GABRG3: variants seen among roughly 807,000 people sequenced by gnomAD.
The protein encoded by GABRG3 is gamma-aminobutyric acid receptor subunit gamma-3.
A neutral mutation model predicts 48.8 loss-of-function variants in GABRG3; 25 were observed. That is an observed-to-expected ratio of 0.51 (90% CI 0.37 to 0.72). The LOEUF (loss-of-function observed/expected upper bound fraction) is 0.72. GABRG3 is among the 30% of genes least tolerant of loss of function. GABRG3 has a pLI of 0.00. For missense variants in GABRG3, 394 were observed against 577.9 expected, an observed-to-expected ratio of 0.68 and a Z score of 3.26; for synonymous variants, 227 against 217.6, an observed-to-expected ratio of 1.04 and a Z score of -0.38.
Position 27,103,015 on chromosome 15 carries a change from A to G in GABRG3, c.270+76194A>G, listed in dbSNP as rs567773247. On this transcript the variant is annotated intron_variant, in intron 3 of 9. Transcript: ENST00000615808. ...GGATTATTATCCTGTAAAAAGTTGA[A>G]AGCTTGGATTATGCCTTCAGCATTC... 1.1e-4 allele frequency among the ~76,000 whole-genome samples: 16 copies of G among 152,298 alleles called. No individual in the cohort carries two copies. The South Asian group carries it at 2.7e-3, about 26-fold the overall frequency.
At chr15:27,035,683 C>T (rs967081464) in intron 3 of GABRG3, among the ~76,000 whole-genome samples, 4 of 152,158 alleles carry the variant, frequency 2.6e-5, no homozygotes, top group Non-Finnish European at 4.4e-5. Context: ...CAGGGAGCCA[C>T]GTGGAGCTTG....
chr15:27,317,844 A>C (rs1442237639), intron 3 of GABRG3, among the ~76,000 whole-genome samples: 1 of 152,194 alleles, frequency 6.6e-6, no homozygotes, highest in East Asian at 1.9e-4. Context: ...GTGAGCAAGA[A>C]AGGCATGGAA....
chr15:27,326,663 G>A (rs377262524), intron 3 of GABRG3, 146 bp from the exon 4 acceptor site: 4 of 643,786 alleles, frequency 6.2e-6, no homozygotes, highest in African/African-American at 5.4e-5. Flanking sequence ...CTGAGTGCTT[G>A]CCATGTTGAA....
At chr15:27,014,561 G>C (rs1276750455) in intron 2 of GABRG3, among the ~76,000 whole-genome samples, 1 of 151,982 alleles carries the variant, frequency 6.6e-6, no homozygotes, top group Non-Finnish European at 1.5e-5. Context: ...GGTTGTTTAA[G>C]AGTAAATTAT....
rs118136193 is a variant in GABRG3 at position 27,082,844 on chromosome 15, C to T, written c.270+56023C>T. Among the ~76,000 whole-genome samples, 169 of 152,316 alleles carry T rather than the reference C, an allele frequency of 1.1e-3. 1 individual carries two copies. In the East Asian group the frequency reaches 0.031, roughly 28 times the overall value. On this transcript the variant is annotated intron_variant, in intron 3 of 9. Transcript: ENST00000615808. ...GCAGGAATGTTGATGCTTGCTAGAG[C>T]TCTGTTCCCTGAGGGACCTGCTCCC...
intron 5 of GABRG3, among the ~76,000 whole-genome samples, chr15:27,367,533 T>A (rs1029571465): frequency 1.3e-5 from 2 of 152,190 alleles, no homozygotes; most frequent in Admixed American, 1.3e-4. Context: ...TACAATTCTC[T>A]TTTAACACAG....
At chr15:27,371,109 A>T (rs891971892) in intron 5 of GABRG3, among the ~76,000 whole-genome samples, 3 of 152,138 alleles carry the variant, frequency 2.0e-5, no homozygotes, top group African/African-American at 7.2e-5. Context: ...CAGTACACCA[A>T]GTTCCATTGT....
chr15:27,018,599 A>G lies in GABRG3; in HGVS notation c.203-8155A>G, dbSNP rs141302320. ...GAAAGGAGTGAGGGCTTTGGAGTTGACATCTATAGTTCTGGGATTAATGGA... is the reference window on the plus strand; with the variant it reads ...GAAAGGAGTGAGGGCTTTGGAGTTGGCATCTATAGTTCTGGGATTAATGGA... On this transcript the variant is annotated intron_variant, in intron 2 of 9. Coordinates refer to ENST00000615808, the MANE Select transcript of GABRG3 (RefSeq NM_033223.5). Among the ~76,000 whole-genome samples, 1,043 of 152,254 alleles carry G rather than the reference A, an allele frequency of 6.9e-3. 6 individuals are homozygous for G. The highest frequency in any genetic ancestry group is 0.011 in the Non-Finnish European group (760 of 68,024).
chr15:27,252,690 C>T (rs930306152), intron 3 of GABRG3, among the ~76,000 whole-genome samples: 22 of 152,090 alleles, frequency 1.4e-4, no homozygotes, highest in Admixed American at 1.1e-3. Context: ...AGAGAGGGCA[C>T]CTCCCACCTG....
intron 2 of GABRG3, among the ~76,000 whole-genome samples, chr15:27,011,960 T>C (rs147806075): frequency 6.6e-4 from 100 of 152,348 alleles, no homozygotes; most frequent in African/African-American, 2.2e-3. Flanking sequence ...CACATTTTCA[T>C]TGAGTTCAGT....
chr15:27,520,879 C>T (rs1293172267), intron 7 of GABRG3, among the ~76,000 whole-genome samples: 1 of 88,782 alleles, frequency 1.1e-5, no homozygotes, highest in Non-Finnish European at 2.0e-5. Flanking sequence ...TGTTATTTCT[C>T]TGTGTTTTTT....
At chr15:27,035,459 T>C (rs1424823647) in intron 3 of GABRG3, among the ~76,000 whole-genome samples, 3 of 152,138 alleles carry the variant, frequency 2.0e-5, no homozygotes, top group Non-Finnish European at 4.4e-5. Flanking sequence ...GCACTTCGAT[T>C]GGATATTTCA....
Position 27,274,234 on chromosome 15 carries a change from C to G in GABRG3, c.271-52575C>G, listed in dbSNP as rs74748646. On this transcript the variant is annotated intron_variant, in intron 3 of 9. Coordinates refer to ENST00000615808, the MANE Select transcript of GABRG3 (RefSeq NM_033223.5). ...TCCGACTGCTTGTCCTGCTGCTGAG[C>G]TACCCAAAGACTGTGGTATTTGCTT... Among the ~76,000 whole-genome samples the G allele has an allele frequency of 4.5e-3, 679 of 152,308 alleles. 29 individuals carry two copies. In the East Asian group the frequency reaches 0.098, roughly 22 times the overall value.
intron 3 of GABRG3, among the ~76,000 whole-genome samples, chr15:27,267,963 C>A (rs115626280): frequency 6.6e-6 from 1 of 152,090 alleles, no homozygotes. Flanking sequence ...AAAAAAATTG[C>A]TTCTATCCCC....
intron 5 of GABRG3, among the ~76,000 whole-genome samples, chr15:27,423,721 C>CTTTTTTTTTT (rs542775399): frequency 7.3e-5 from 6 of 81,788 alleles, no homozygotes; most frequent in Admixed American, 1.4e-4. Context: ...TTTTCTTTTC[C>CTTTTTTTTTT]TTTTTTTTTT....
intron 3 of GABRG3, among the ~76,000 whole-genome samples, chr15:27,249,676 T>C (rs1013619804): frequency 6.6e-6 from 1 of 152,012 alleles, no homozygotes; most frequent in African/African-American, 2.4e-5. Flanking sequence ...GCAGAAGGGA[T>C]GAGTGAGTAA....
Position 27,225,163 on chromosome 15 carries a change from T to G in GABRG3, c.271-101646T>G, listed in dbSNP as rs58633847. Among the ~76,000 whole-genome samples, 3 of 152,314 alleles carry G rather than the reference T, an allele frequency of 2.0e-5. No homozygotes were observed. In the East Asian group the frequency reaches 5.8e-4, roughly 29 times the overall value. ...AGTATCTTAATTCTGTTGACTGACT[T>G]AAAATAATCACAATGTAGTACACAG... On this transcript the variant is annotated intron_variant, in intron 3 of 9. Transcript: ENST00000615808.
intron 3 of GABRG3, among the ~76,000 whole-genome samples, chr15:27,285,836 G>A (rs1321378865): frequency 6.6e-6 from 1 of 152,148 alleles, no homozygotes; most frequent in Non-Finnish European, 1.5e-5. Flanking sequence ...AGTGAACTGT[G>A]TCAGCAGACC....
At position 27,318,969 on chromosome 15, in the gene GABRG3, G is replaced by A. The variant is rs115155379; in HGVS notation, c.271-7840G>A. On this transcript the variant is annotated intron_variant, in intron 3 of 9. Transcript: ENST00000615808. Reference sequence around the variant, plus strand: ...CCGCAGGCCTAATGTACAGCAGGGAGCCTATAGATAATACTGTATTGTGTA... The same window carrying A: ...CCGCAGGCCTAATGTACAGCAGGGAACCTATAGATAATACTGTATTGTGTA... 4.4e-3 allele frequency among the ~76,000 whole-genome samples: 671 copies of A among 152,274 alleles called. 9 individuals carry two copies. Among genetic ancestry groups the A allele is most frequent in the African/African-American group, 0.015 (609 of 41,552 alleles).
Sources: gnomAD v4.1 joint callset for allele counts (sites outside exome capture counted in the v4.1 genomes callset) on GRCh38, gnomAD v4.1.1 for gene constraint, MANE v1.5 for transcripts, NCBI Gene and HGNC (gene_info 2026-07-23, HGNC 2026-07-21) for gene names.